The following PURA variants were observed in gnomAD, a reference collection of about 807,000 sequenced individuals.
PURA encodes transcriptional activator protein Pur-alpha.
In PURA, 2 loss-of-function variants were observed where a neutral mutation model predicts 23.1. That is an observed-to-expected ratio of 0.09 (90% CI 0.04 to 0.27). The LOEUF (loss-of-function observed/expected upper bound fraction) is 0.27, where lower values mean the gene tolerates loss of function less well. Ranked by LOEUF, PURA falls within the 10% of genes least tolerant of loss-of-function variation. PURA has a pLI of 1.00. For synonymous variants in PURA, 254 were observed against 205.9 expected, an observed-to-expected ratio of 1.23 and a Z score of -2.00; for missense variants, 187 against 449.7, an observed-to-expected ratio of 0.42 and a Z score of 5.28.
At position 140,114,451 on chromosome 5, in the gene PURA, G is replaced by A. The variant is rs774603280; in HGVS notation, c.270G>A (p.Glu90=). The change falls in exon 1 of 1, where the codon GAG becomes GAA. Residue 90 remains glutamate, a synonymous_variant. Coordinates refer to ENST00000331327, the MANE Select transcript of PURA (RefSeq NM_005859.5). ...AGGGCCGCTTCCTGAAGATCGCCGA[G>A]GTGGGCGCGGGCGGCAACAAGAGCC... ...NAKGRFLKIA[E]VGAGGNKSRL... The A allele has an allele frequency of 7.4e-6, 12 of 1,612,818 alleles. No homozygotes were observed. The South Asian group carries it at 1.2e-4, about 16-fold the overall frequency.
rs1763108405 is a variant in PURA at position 140,118,062 on chromosome 5, T to C, written c.*2912T>C. On this transcript the variant is annotated 3_prime_UTR_variant, in exon 1 of 1. Coordinates refer to ENST00000331327, the MANE Select transcript of PURA (RefSeq NM_005859.5). ...TGTTTTATGTTGGAATTTTTCCTTG[T>C]TTTTATTTTACTAGTTGGTAAACCC... 1 of 166,936 alleles carries C rather than the reference T, an allele frequency of 6.0e-6. No homozygotes were observed. The highest frequency in any genetic ancestry group is 2.4e-5 in the African/African-American group (1 of 41,446). The allele number at this position is 166,936 out of a possible 1,614,324, so 10.3% of individuals were successfully genotyped here. A position where few individuals can be genotyped will look rare whatever the true frequency, so the allele number is the denominator to read the frequency against.
Position 140,121,154 on chromosome 5 carries a change from A to G in PURA, c.*6004A>G, listed in dbSNP as rs1479357401. On this transcript the variant is annotated 3_prime_UTR_variant, in exon 1 of 1. Coordinates refer to ENST00000331327, the MANE Select transcript of PURA (RefSeq NM_005859.5). ...GTTTAATTTTCTTGATTTTGGTTCC[A>G]CTTTAATAATTCAAGAGGCCTCCAA... 6.0e-6 allele frequency: 1 copy of G among 166,904 alleles called. No homozygotes were observed. The highest frequency in any genetic ancestry group is 3.1e-3 in the Middle Eastern group (1 of 318). 10.3% of individuals were successfully genotyped at this position (166,904 alleles called of 1,614,324 possible).
rs1453429129 is a variant in PURA, at chr5:140,114,658, C to G, written c.477C>G (p.Leu159=). 6.2e-7 allele frequency: 1 copy of G among 1,611,436 alleles called. No individual in the cohort carries two copies. The highest frequency in any genetic ancestry group is 8.5e-7 in the Non-Finnish European group (1 of 1,179,786). The change falls in exon 1 of 1, where the codon CTC becomes CTG. Residue 159 remains leucine (L), a synonymous_variant. Coordinates refer to ENST00000331327, the MANE Select transcript of PURA (RefSeq NM_005859.5). ...VRENRKYYMD[L]KENQRGRFLR... is the part of the protein sequence containing the mutation. ...AGAACCGCAAGTACTACATGGATCT[C>G]AAGGAGAACCAGCGCGGCCGCTTCC...
In PURA at chr5:140,120,731, T is replaced by G. The variant is rs1561794912; in HGVS notation, c.*5581T>G. 1 of 166,824 alleles carries G rather than the reference T, an allele frequency of 6.0e-6. No homozygotes were observed. Among genetic ancestry groups the G allele is most frequent in the African/African-American group, 2.4e-5 (1 of 41,442 alleles). The allele number at this position is 166,824 out of a possible 1,614,324, so 10.3% of individuals were successfully genotyped here. On this transcript the variant is annotated 3_prime_UTR_variant, in exon 1 of 1. Coordinates refer to ENST00000331327, the MANE Select transcript of PURA (RefSeq NM_005859.5). Reference sequence around the variant, plus strand: ...ATGATTGGTTTCAAGCCAATGAATCTGCTAAGCTAACTACCAAGTTTTGAT... The same window carrying G: ...ATGATTGGTTTCAAGCCAATGAATCGGCTAAGCTAACTACCAAGTTTTGAT...
Position 140,116,262 on chromosome 5 carries a change from A to G in PURA, c.*1112A>G, listed in dbSNP as rs1392364361. ...TGTGGTCACTAGCACTGTCTCCTAA[A>G]CTTGTAAGAGGTCTGAAGCTATTCT... On this transcript the variant is annotated 3_prime_UTR_variant, in exon 1 of 1. Coordinates refer to ENST00000331327, the MANE Select transcript of PURA (RefSeq NM_005859.5). The G allele has an allele frequency of 1.2e-5, 2 of 167,044 alleles. No homozygotes were observed. Among genetic ancestry groups the G allele is most frequent in the South Asian group, 2.1e-4 (1 of 4,826 alleles). The allele number at this position is 167,044 out of a possible 1,614,324, so 10.3% of individuals were successfully genotyped here.
Position 140,114,605 on chromosome 5 carries a change from G to C in PURA, c.424G>C (p.Ala142Pro). Residue 142 changes from alanine (A) to proline (P), a missense_variant, in exon 1 of 1, where the codon GCG (alanine) becomes CCG (proline). Transcript: ENST00000331327. ...LAQAQDEPRR[A>P]LKSEFLVREN... The stretch of plus-strand genomic sequence containing the variant: ...CCAGGCGCAGGACGAGCCGCGCCGG[G>C]CGCTCAAAAGCGAGTTCCTGGTGCG... 6.2e-7 allele frequency: 1 copy of C among 1,606,738 alleles called. No homozygotes were observed. Among genetic ancestry groups the C allele is most frequent in the Non-Finnish European group, 8.5e-7 (1 of 1,178,080 alleles).
rs1387687938 is a variant in PURA at position 140,116,818 on chromosome 5, G to GT, written c.*1669dup. 2 of 147,812 alleles carry GT rather than the reference G, an allele frequency of 1.4e-5. No individual in the cohort carries two copies. Among genetic ancestry groups the GT allele is most frequent in the South Asian group, 2.3e-4 (1 of 4,352 alleles). 9.2% of individuals were successfully genotyped at this position (147,812 alleles called of 1,614,324 possible). Reference sequence around the variant, plus strand: ...TTGGAATTCTGTAGAAAGTATTTTGGTAAAAAAAAAAAAAAAAAAAAAGGG... The same window carrying GT: ...TTGGAATTCTGTAGAAAGTATTTTGGTTAAAAAAAAAAAAAAAAAAAAAGGG... On this transcript the variant is annotated 3_prime_UTR_variant, in exon 1 of 1. Transcript: ENST00000331327.
At position 140,118,301 on chromosome 5, in the gene PURA, C is replaced by T. The variant is rs972675780; in HGVS notation, c.*3151C>T. ...TAAGTATAAAAGAAAACTTGAACTGCATTGCAATATTGACGTTCTTTAAAA... is the reference window on the plus strand; with the variant it reads ...TAAGTATAAAAGAAAACTTGAACTGTATTGCAATATTGACGTTCTTTAAAA... On this transcript the variant is annotated 3_prime_UTR_variant, in exon 1 of 1. Coordinates refer to ENST00000331327, the MANE Select transcript of PURA (RefSeq NM_005859.5). 2 of 167,032 alleles carry T rather than the reference C, an allele frequency of 1.2e-5. No homozygotes were observed. The highest frequency in any genetic ancestry group is 4.8e-5 in the African/African-American group (2 of 41,446). 10.3% of individuals were successfully genotyped at this position (167,032 alleles called of 1,614,324 possible). A position where few individuals can be genotyped will look rare whatever the true frequency, so the allele number is the denominator to read the frequency against.
In PURA at chr5:140,114,559, C is replaced by A; in HGVS notation, c.378C>A (p.Pro126=). ...TCGAGCACTACGCGCAGCTGGGCCC[C>A]AGCCAGCCGCCGGACCTGGCCCAGG... ...DFIEHYAQLG[P]SQPPDLAQAQ... Residue 126 remains proline, a synonymous_variant, in exon 1 of 1, where the codon CCC becomes CCA. Transcript: ENST00000331327. 6.2e-7 allele frequency: 1 copy of A among 1,602,148 alleles called. No individual in the cohort carries two copies. Among genetic ancestry groups the A allele is most frequent in the East Asian group, 2.2e-5 (1 of 44,480 alleles).
In PURA at chr5:140,122,682, T is replaced by C. The variant is rs1218524158; in HGVS notation, c.*7532T>C. 1.2e-5 allele frequency: 2 copies of C among 166,908 alleles called. No homozygotes were observed. Among genetic ancestry groups the C allele is most frequent in the South Asian group, 2.1e-4 (1 of 4,832 alleles). The allele number at this position is 166,908 out of a possible 1,614,324, so 10.3% of individuals were successfully genotyped here. On this transcript the variant is annotated 3_prime_UTR_variant, in exon 1 of 1. Coordinates refer to ENST00000331327, the MANE Select transcript of PURA (RefSeq NM_005859.5). ...CCAAGAGTTCAGTGGTGGCAAATGTTAATAAAATAAGTTAGTACATTTTGG... is the reference window on the plus strand; with the variant it reads ...CCAAGAGTTCAGTGGTGGCAAATGTCAATAAAATAAGTTAGTACATTTTGG...
At position 140,114,976 on chromosome 5, in the gene PURA, C is replaced by G; in HGVS notation, c.795C>G (p.Ala265=). The change falls in exon 1 of 1, where the codon GCC becomes GCG. Residue 265 remains alanine, a synonymous_variant. Transcript: ENST00000331327. ...NSITVPYKVW[A]KFGHTFCKYS... The stretch of plus-strand genomic sequence containing the variant: ...TCACCGTGCCCTACAAGGTGTGGGC[C>G]AAGTTCGGACACACCTTCTGCAAGT... 1 of 1,614,222 alleles carries G rather than the reference C, an allele frequency of 6.2e-7. No homozygotes were observed. Among genetic ancestry groups the G allele is most frequent in the Non-Finnish European group, 8.5e-7 (1 of 1,180,034 alleles).
chr5:140,114,310 T>G lies in PURA; in HGVS notation c.129T>G (p.Ser43Arg), dbSNP rs1763038797. 7.7e-7 allele frequency: 1 copy of G among 1,291,064 alleles called. No homozygotes were observed. The highest frequency in any genetic ancestry group is 9.7e-7 in the Non-Finnish European group (1 of 1,027,820). The allele number at this position is 1,291,064 out of a possible 1,614,324, so 80.0% of individuals were successfully genotyped here. A position where few individuals can be genotyped will look rare whatever the true frequency, so the allele number is the denominator to read the frequency against. The change falls in exon 1 of 1, where the codon AGT becomes AGG. Residue 43 changes from serine (S) to arginine (R), a missense_variant. Physicochemically the swap from Ser to Arg is moderately radical, Grantham distance 110. Around this residue, in one of 9 missense-constraint regions of PURA, gnomAD observed 27 missense variants for 55.2 expected, o/e 0.49. Transcript: ENST00000331327. ...GGGGGGGGGG[S>R]GGGGGGAPGG... is the part of the protein sequence containing the mutation. ...GTGGCGGCGGGGGCGGCGGCGGCAG[T>G]GGCGGCGGCGGCGGCGGGGCCCCAG...
At position 140,114,646 on chromosome 5, in the gene PURA, C is replaced by T. The variant is rs374074637; in HGVS notation, c.465C>T (p.Tyr155=). 1.1e-5 allele frequency: 18 copies of T among 1,611,122 alleles called. No homozygotes were observed. The highest frequency in any genetic ancestry group is 1.4e-5 in the Non-Finnish European group (16 of 1,179,712). ...TCCTGGTGCGCGAGAACCGCAAGTACTACATGGATCTCAAGGAGAACCAGC... is the reference window on the plus strand; with the variant it reads ...TCCTGGTGCGCGAGAACCGCAAGTATTACATGGATCTCAAGGAGAACCAGC... ...SEFLVRENRK[Y]YMDLKENQRG... The change falls in exon 1 of 1, where the codon TAC becomes TAT. Residue 155 remains tyrosine (Y), a synonymous_variant. Transcript: ENST00000331327.
In PURA at chr5:140,115,251, G is replaced by T; in HGVS notation, c.*101G>T. The T allele has an allele frequency of 2.2e-4, 130 of 601,868 alleles. No homozygotes were observed. The highest frequency in any genetic ancestry group is 2.9e-4 in the Non-Finnish European group (116 of 398,988). The allele number at this position is 601,868 out of a possible 1,614,324, so 37.3% of individuals were successfully genotyped here. A position where few individuals can be genotyped will look rare whatever the true frequency, so the allele number is the denominator to read the frequency against. On this transcript the variant is annotated 3_prime_UTR_variant, in exon 1 of 1. Coordinates refer to ENST00000331327, the MANE Select transcript of PURA (RefSeq NM_005859.5). This position sits in a 1 kb window ranked among gnomAD's most constrained non-coding sequence, Gnocchi z 4.1. ...TGTAAAGAAAGAGAGAAAATAAAAA[G>T]TTAAAAAGTTAAAAAAAAAAAAAAA...
In PURA at chr5:140,117,767, T is replaced by C. The variant is rs1763103829; in HGVS notation, c.*2617T>C. The C allele has an allele frequency of 6.0e-6, 1 of 165,494 alleles. No individual in the cohort carries two copies. The highest frequency in any genetic ancestry group is 2.1e-4 in the South Asian group (1 of 4,828). 10.3% of individuals were successfully genotyped at this position (165,494 alleles called of 1,614,324 possible). ...ATTGTGCAATTAATTGTCTTTACAC[T>C]AAAACAGTTTAATACAATCTAACTA... On this transcript the variant is annotated 3_prime_UTR_variant, in exon 1 of 1. Coordinates refer to ENST00000331327, the MANE Select transcript of PURA (RefSeq NM_005859.5).
Position 140,115,454 on chromosome 5 carries a change from C to G in PURA, c.*304C>G. 4.8e-6 allele frequency: 1 copy of G among 206,606 alleles called. No individual in the cohort carries two copies. Among genetic ancestry groups the G allele is most frequent in the Non-Finnish European group, 1.1e-5 (1 of 94,692 alleles). 12.8% of individuals were successfully genotyped at this position (206,606 alleles called of 1,614,324 possible). On this transcript the variant is annotated 3_prime_UTR_variant, in exon 1 of 1. Transcript: ENST00000331327. This position sits in a 1 kb window ranked among gnomAD's most constrained non-coding sequence, Gnocchi z 4.1. ...AACATTATATGAACTGTGTTTCCTA[C>G]TTGATTAAAAAATATAAAGAACTGA...
rs965033235 is a variant in PURA, at chr5:140,121,597, A to G, written c.*6447A>G. 6.0e-6 allele frequency: 1 copy of G among 166,902 alleles called. No homozygotes were observed. Among genetic ancestry groups the G allele is most frequent in the African/African-American group, 2.4e-5 (1 of 41,418 alleles). The allele number at this position is 166,902 out of a possible 1,614,324, so 10.3% of individuals were successfully genotyped here. Reference sequence around the variant, plus strand: ...AGGCCTACCAGTGGCACTCAAGCTTACTTCTTCAGAGAGAAGTAAAGAAAT... The same window carrying G: ...AGGCCTACCAGTGGCACTCAAGCTTGCTTCTTCAGAGAGAAGTAAAGAAAT... On this transcript the variant is annotated 3_prime_UTR_variant, in exon 1 of 1. Transcript: ENST00000331327.
Position 140,116,351 on chromosome 5 carries a change from G to C in PURA, c.*1201G>C, listed in dbSNP as rs1763080057. Reference sequence around the variant, plus strand: ...TAAAAAGCAGAGCAACACAATTATAGTTATCCTACTGAGCCATGGATTCTG... The same window carrying C: ...TAAAAAGCAGAGCAACACAATTATACTTATCCTACTGAGCCATGGATTCTG... On this transcript the variant is annotated 3_prime_UTR_variant, in exon 1 of 1. Transcript: ENST00000331327. The C allele has an allele frequency of 6.0e-6, 1 of 167,046 alleles. No individual in the cohort carries two copies. The allele number at this position is 167,046 out of a possible 1,614,324, so 10.3% of individuals were successfully genotyped here. A position where few individuals can be genotyped will look rare whatever the true frequency, so the allele number is the denominator to read the frequency against.
Position 140,115,276 on chromosome 5 carries a change from AC to A in PURA, c.*128del. On this transcript the variant is annotated 3_prime_UTR_variant, in exon 1 of 1. Transcript: ENST00000331327. This position sits in a 1 kb window ranked among gnomAD's most constrained non-coding sequence, Gnocchi z 4.1. Reference sequence around the variant, plus strand: ...GTTAAAAAGTTAAAAAAAAAAAAAAACCTGTTAACTCCAAGGGAGCACCACC... The same window carrying A: ...GTTAAAAAGTTAAAAAAAAAAAAAAACTGTTAACTCCAAGGGAGCACCACC... 1 of 656,958 alleles carries A rather than the reference AC, an allele frequency of 1.5e-6. No homozygotes were observed. Among genetic ancestry groups the A allele is most frequent in the Non-Finnish European group, 2.3e-6 (1 of 425,992 alleles). The allele number at this position is 656,958 out of a possible 1,614,324, so 40.7% of individuals were successfully genotyped here. A position where few individuals can be genotyped will look rare whatever the true frequency, so the allele number is the denominator to read the frequency against.
Sources: gnomAD v4.1 joint callset for allele counts on GRCh38, gnomAD v4.1.1 for gene constraint, gnomAD v4.1.1 regional missense constraint, Gnocchi (gnomAD v3.1) non-coding constraint, MANE v1.5 for transcripts, NCBI Gene and HGNC (gene_info 2026-07-23, HGNC 2026-07-21) for gene names.